Variants in ZNF589 observed in about 807,000 individuals in gnomAD.
ZNF589 encodes the protein zinc finger protein 589.
A neutral mutation model predicts 13.6 loss-of-function variants in ZNF589; 17 were observed. That is an observed-to-expected ratio of 1.25 (90% CI 0.86 to 1.88). ZNF589 has a LOEUF of 1.88. Among genes scored for constraint, ZNF589 ranks in the 40% most tolerant of loss-of-function variants. The pLI, the probability that ZNF589 is intolerant of heterozygous loss-of-function variation, is 0.00. For missense variants in ZNF589, 407 were observed against 434.0 expected (o/e 0.94, Z 0.55); for synonymous variants, 148 against 161.6 (o/e 0.92, Z 0.64).
chr3:48,260,062 C>T (rs1467092004), intron 2 of ZNF589, among the ~76,000 whole-genome samples: 1 of 152,146 alleles, frequency 6.6e-6, no homozygotes, highest in Non-Finnish European at 1.5e-5. Context: ...GCAATGCCAC[C>T]TTTCAAGTGT....
chr3:48,268,294 C>T lies in ZNF589; in HGVS notation c.603C>T (p.Asp201=). The T allele has an allele frequency of 6.2e-7, 1 of 1,613,082 alleles. No individual in the cohort carries two copies. Among genetic ancestry groups the T allele is most frequent in the Non-Finnish European group, 8.5e-7 (1 of 1,179,286 alleles). The change falls in exon 4 of 4, where the codon GAC becomes GAT. Residue 201 remains aspartate, a synonymous_variant. Coordinates refer to ENST00000354698, the MANE Select transcript of ZNF589 (RefSeq NM_016089.3). ...AGAATGCAAGCTCTGAGGAAGTAGACAGAATTTCCAAGAGGGCAGAAACCC... is the reference window on the plus strand; with the variant it reads ...AGAATGCAAGCTCTGAGGAAGTAGATAGAATTTCCAAGAGGGCAGAAACCC... ...PAQNASSEEV[D]RISKRAETPG...
chr3:48,259,587 G>C (rs2033945980), intron 2 of ZNF589, among the ~76,000 whole-genome samples: 2 of 152,170 alleles, frequency 1.3e-5, no homozygotes, highest in African/African-American at 4.8e-5. Context: ...AGTCAGAGAA[G>C]AGGTACTCAG....
At chr3:48,262,193 T>C (rs1393132890) in intron 3 of ZNF589, among the ~76,000 whole-genome samples, 1 of 152,160 alleles carries the variant, frequency 6.6e-6, no homozygotes, top group African/African-American at 2.4e-5. Flanking sequence ...CATTTTATTT[T>C]ATTTATTTTT....
chr3:48,262,900 G>A (rs1046056668), intron 3 of ZNF589, among the ~76,000 whole-genome samples: 2 of 152,136 alleles, frequency 1.3e-5, no homozygotes, highest in Non-Finnish European at 2.9e-5. Flanking sequence ...TGTGGTGTTT[G>A]AGTAACCGCT....
chr3:48,260,094 G>A (rs933716743), intron 2 of ZNF589, among the ~76,000 whole-genome samples: 3 of 152,116 alleles, frequency 2.0e-5, no homozygotes, highest in Admixed American at 2.0e-4. Flanking sequence ...GAACACCACT[G>A]AATACTCATT....
intron 2 of ZNF589, among the ~76,000 whole-genome samples, 195 bp from the exon 3 acceptor site, chr3:48,260,618 A>C (rs2033960204): frequency 6.6e-6 from 1 of 152,172 alleles, no homozygotes; most frequent in Non-Finnish European, 1.5e-5. Context: ...CATATTGGCC[A>C]GTCTGGTCTC....
At chr3:48,241,256 C>T (rs755504078) in intron 1 of ZNF589, 42 bp downstream of exon 1, 1 of 1,603,152 alleles carries the variant, frequency 6.2e-7, no homozygotes, top group Admixed American at 1.7e-5. Flanking sequence ...TTCGGTGCTC[C>T]AGCCGCAGGC....
rs1280748656 is a variant in ZNF589 at position 48,268,577 on chromosome 3, A to AG, written c.887dup (p.Ser296ArgfsTer19). 5 of 1,613,160 alleles carry AG rather than the reference A, an allele frequency of 3.1e-6. No individual in the cohort carries two copies. In the South Asian group the frequency reaches 5.5e-5, roughly 18 times the overall value. ...TGAGTCAGTCCTCCGCAACCACCTG[A>AG]GTACACACTCCGGGGAGAAACCTTA... is the stretch of plus-strand genomic sequence containing the variant. On this transcript the variant is annotated frameshift_variant, in exon 4 of 4. Transcript: ENST00000354698. LOFTEE classifies it low-confidence loss of function (END_TRUNC).
intron 1 of ZNF589, among the ~76,000 whole-genome samples, chr3:48,242,502 C>T (rs2033709650): frequency 6.6e-6 from 1 of 151,910 alleles, no homozygotes; most frequent in Non-Finnish European, 1.5e-5. Context: ...CAGGGTCTCC[C>T]TATGTTGCCC....
chr3:48,245,626 A>G (rs2106830809), intron 1 of ZNF589, among the ~76,000 whole-genome samples: 1 of 152,288 alleles, frequency 6.6e-6, no homozygotes, highest in African/African-American at 2.4e-5. Context: ...AGGATCAGAA[A>G]AACATTCTTC....
At chr3:48,246,232 A>T (rs141135182) in intron 1 of ZNF589, among the ~76,000 whole-genome samples, 243 of 152,152 alleles carry the variant, frequency 1.6e-3, no homozygotes, top group African/African-American at 5.3e-3. Context: ...ACTTGAGCCC[A>T]GGAGGTGGAG....
At chr3:48,248,571 C>A (rs1013890792) in intron 2 of ZNF589, among the ~76,000 whole-genome samples, 1 of 152,248 alleles carries the variant, frequency 6.6e-6, no homozygotes, top group Admixed American at 6.5e-5. Context: ...CTTTGCTATA[C>A]CAGAAATTTA....
intron 2 of ZNF589, among the ~76,000 whole-genome samples, chr3:48,254,724 CTGTGTGTATG>C (rs2033879028): frequency 6.6e-6 from 1 of 151,854 alleles, no homozygotes; most frequent in Non-Finnish European, 1.5e-5. Flanking sequence ...TTTTGGTGCT[CTGTGTGTATG>C]TGTGTGTGTA....
intron 2 of ZNF589, among the ~76,000 whole-genome samples, chr3:48,260,384 C>G (rs1218322477): frequency 6.6e-6 from 1 of 151,990 alleles, no homozygotes; most frequent in Non-Finnish European, 1.5e-5. Context: ...AAGCAATCCT[C>G]TCATGTCAGC....
intron 2 of ZNF589, chr3:48,256,491 A>C: frequency 1.7e-6 from 1 of 594,760 alleles, no homozygotes; most frequent in Non-Finnish European, 3.1e-6. Flanking sequence ...TGGGTCAGGT[A>C]CTGGTTGAAT....
chr3:48,250,422 G>A (rs529889647), intron 2 of ZNF589, among the ~76,000 whole-genome samples: 1 of 150,810 alleles, frequency 6.6e-6, no homozygotes, highest in South Asian at 2.1e-4. Context: ...AAAGTGCTGG[G>A]ATTACATGTG....
At chr3:48,259,889 G>A (rs374682344) in intron 2 of ZNF589, among the ~76,000 whole-genome samples, 24 of 150,506 alleles carry the variant, frequency 1.6e-4, no homozygotes, top group African/African-American at 5.1e-4. Context: ...ACTGCAGTTC[G>A]GCCTGGGTGA....
chr3:48,241,378 C>T (rs1380443569), intron 1 of ZNF589, among the ~76,000 whole-genome samples, 164 bp downstream of exon 1: 1 of 151,498 alleles, frequency 6.6e-6, no homozygotes, highest in African/African-American at 2.4e-5. Context: ...AGGTTCCTCC[C>T]TAGGTGTCCC....
At chr3:48,246,672 T>TC (rs1466285063) in intron 1 of ZNF589, among the ~76,000 whole-genome samples, 1 of 152,052 alleles carries the variant, frequency 6.6e-6, no homozygotes, top group Non-Finnish European at 1.5e-5. Context: ...TTTAACATTT[T>TC]CTTTTTTTTT....
Sources: allele counts gnomAD v4.1 joint callset (sites outside exome capture counted in the v4.1 genomes callset), GRCh38; gene constraint gnomAD v4.1.1; transcripts MANE v1.5; gene names NCBI Gene and HGNC (gene_info 2026-07-23, HGNC 2026-07-21).